Variants in SIK3 observed in about 807,000 individuals in gnomAD.
SIK3 encodes serine/threonine-protein kinase SIK3.
SIK3 carries 28 observed loss-of-function variants against 144.2 expected under a neutral mutation model. The ratio of observed to expected loss-of-function variants is 0.19; its 90% CI spans 0.14 to 0.27. The LOEUF (loss-of-function observed/expected upper bound fraction) is 0.27, where lower values mean the gene tolerates loss of function less well. Ranked by LOEUF, SIK3 falls within the 10% of genes least tolerant of loss-of-function variation. SIK3 has a pLI of 1.00. For synonymous variants in SIK3, 686 were observed against 676.3 expected (o/e 1.01, Z -0.22); for missense variants, 1,319 against 1,776.0 (o/e 0.74, Z 4.62).
chr11:116,890,338 C>A (rs1238594620), intron 6 of SIK3, among the ~76,000 whole-genome samples: 1 of 152,000 alleles, frequency 6.6e-6, no homozygotes, highest in Admixed American at 6.6e-5. Flanking sequence ...AGCTCAGAAC[C>A]GGAGGTGAAC....
chr11:117,020,236 C>CATATATATATATAT (rs754633188), intron 1 of SIK3, among the ~76,000 whole-genome samples: 25 of 122,262 alleles, frequency 2.0e-4, no homozygotes, highest in African/African-American at 4.8e-4. Context: ...TGTATATGTG[C>CATATATATATATAT]ATATATATAT....
chr11:117,029,075 A>C (rs948236579), intron 1 of SIK3, among the ~76,000 whole-genome samples: 1 of 152,044 alleles, frequency 6.6e-6, no homozygotes, highest in African/African-American at 2.4e-5. Flanking sequence ...CGCCCGGCTA[A>C]TTTTGGTATT....
At chr11:116,930,378 T>C (rs1947533735) in intron 3 of SIK3, among the ~76,000 whole-genome samples, 1 of 152,212 alleles carries the variant, frequency 6.6e-6, no homozygotes, top group South Asian at 2.1e-4. Flanking sequence ...AGCTGCCTGC[T>C]GACAAATAGC....
At chr11:117,016,460 C>A (rs1280681348) in intron 1 of SIK3, among the ~76,000 whole-genome samples, 2 of 129,152 alleles carry the variant, frequency 1.5e-5, no homozygotes, top group African/African-American at 2.8e-5. Context: ...CATGACCTAT[C>A]TATTTTTGGG....
chr11:116,951,713 T>C (rs1031706786), intron 3 of SIK3, among the ~76,000 whole-genome samples: 4 of 152,104 alleles, frequency 2.6e-5, no homozygotes, highest in South Asian at 2.1e-4. Context: ...GGCAGGAGGA[T>C]TGCTACAGCC....
chr11:116,954,515 A>G (rs977566636), intron 2 of SIK3, among the ~76,000 whole-genome samples: 2 of 151,738 alleles, frequency 1.3e-5, no homozygotes, highest in Non-Finnish European at 2.9e-5. Flanking sequence ...GCCTTTGGGG[A>G]AAATAATGGG....
chr11:117,069,471 C>T (rs1954166707), intron 1 of SIK3, among the ~76,000 whole-genome samples: 1 of 152,084 alleles, frequency 6.6e-6, no homozygotes, highest in South Asian at 2.1e-4. Context: ...AGAATAATTC[C>T]TTAACATCAG....
At chr11:117,001,708 G>A (rs770123781) in intron 1 of SIK3, among the ~76,000 whole-genome samples, 5 of 151,870 alleles carry the variant, frequency 3.3e-5, no homozygotes, top group Admixed American at 2.6e-4. Context: ...CTCCCACCTC[G>A]GCCTCCCAAA....
chr11:117,013,746 G>A (rs1404241450), intron 1 of SIK3, among the ~76,000 whole-genome samples: 1 of 151,114 alleles, frequency 6.6e-6, no homozygotes, highest in Non-Finnish European at 1.5e-5. Flanking sequence ...TTATCAATCT[G>A]AGGAACCAAA....
chr11:117,023,510 A>C (rs1354409805), intron 1 of SIK3, among the ~76,000 whole-genome samples: 1 of 148,936 alleles, frequency 6.7e-6, no homozygotes, highest in African/African-American at 2.5e-5. Context: ...GGCTCAAGTG[A>C]TCCTCTAGTC....
chr11:117,020,894 C>G (rs1372821658), intron 1 of SIK3, among the ~76,000 whole-genome samples: 1 of 152,198 alleles, frequency 6.6e-6, no homozygotes, highest in East Asian at 1.9e-4. Context: ...TATTGGGAAA[C>G]CAGTTTATAG....
Position 116,846,342 on chromosome 11 carries a change from G to A in SIK3, c.*13+41C>T. 6.3e-7 allele frequency: 1 copy of A among 1,594,296 alleles called. No homozygotes were observed. On this transcript the variant is annotated intron_variant, in intron 24 of 24. Coordinates refer to ENST00000445177, the MANE Select transcript of SIK3 (RefSeq NM_001366686.3). The surrounding 1 kb of genome is among the most constrained non-coding windows in gnomAD (Gnocchi z 4.1). ...CTGATGGGATTGGGAGCAGGCACTG[G>A]GCCACAGGGCTGGTTTGGCTCTGGC... is the stretch of plus-strand genomic sequence containing the variant.
intron 1 of SIK3, among the ~76,000 whole-genome samples, chr11:117,017,688 C>A (rs1485077482): frequency 6.6e-6 from 1 of 151,896 alleles, no homozygotes; most frequent in East Asian, 1.9e-4. Context: ...CTCCTTTGCA[C>A]CTAAAGGAGG....
rs58587995 is a variant in SIK3, at chr11:116,965,734, A to AATATATATATAT, written c.274-8682_274-8671dup. On this transcript the variant is annotated intron_variant, in intron 1 of 24. Transcript: ENST00000445177. ...CATGGTGAAAACCCGTCTCTGCTAA[A>AATATATATATAT]ATATATATATATATATATATATATA... Among the ~76,000 whole-genome samples the AATATATATATAT allele has an allele frequency of 1.1e-3, 136 of 118,288 alleles. 1 individual carries two copies. Among genetic ancestry groups the AATATATATATAT allele is most frequent in the African/African-American group, 2.6e-3 (70 of 27,092 alleles). The allele number at this position is 118,288 out of a possible 152,430, so 77.6% of individuals were successfully genotyped here. A position where few individuals can be genotyped will look rare whatever the true frequency, so the allele number is the denominator to read the frequency against.
intron 4 of SIK3, among the ~76,000 whole-genome samples, chr11:116,905,280 C>G (rs1945967041): frequency 6.6e-6 from 1 of 152,238 alleles, no homozygotes; most frequent in Non-Finnish European, 1.5e-5. Context: ...TTGCCTATGT[C>G]AGCACTTGAG....
intron 4 of SIK3, among the ~76,000 whole-genome samples, chr11:116,899,303 A>C (rs1023227164): frequency 6.6e-6 from 1 of 151,778 alleles, no homozygotes; most frequent in Non-Finnish European, 1.5e-5. Context: ...GTTATTTCTG[A>C]GGGCTCTGTT....
intron 1 of SIK3, among the ~76,000 whole-genome samples, chr11:117,097,795 TC>T (rs1203038841): frequency 6.6e-6 from 1 of 152,062 alleles, no homozygotes; most frequent in Non-Finnish European, 1.5e-5. Context: ...AGCTGCTGGT[TC>T]CAGAGTCTTC....
Position 117,098,236 on chromosome 11 carries a change from G to A in SIK3, c.180C>T (p.Pro60=), listed in dbSNP as rs1425878718. The A allele has an allele frequency of 4.0e-6, 6 of 1,490,118 alleles. No individual in the cohort carries two copies. The highest frequency in any genetic ancestry group is 4.5e-6 in the Non-Finnish European group (5 of 1,118,602). 92.3% of individuals were successfully genotyped at this position (1,490,118 alleles called of 1,614,324 possible). A position where few individuals can be genotyped will look rare whatever the true frequency, so the allele number is the denominator to read the frequency against. ...CGATCTCGTAGTAGCCGATACGGGC[G>A]GGCATGGGTCCGCGGGAGGCCGGGG... ...PPAPASRGPM[P]ARIGYYEIDR... The change falls in exon 1 of 25, where the codon CCC becomes CCT. Residue 60 remains proline (P), a synonymous_variant. Transcript: ENST00000445177.
chr11:116,942,953 A>G (rs991632454), intron 3 of SIK3, among the ~76,000 whole-genome samples: 24 of 152,194 alleles, frequency 1.6e-4, no homozygotes, highest in African/African-American at 5.8e-4. Context: ...GCAGATTCAG[A>G]GAGACTATTT....
Sources: allele counts gnomAD v4.1 joint callset (sites outside exome capture counted in the v4.1 genomes callset), GRCh38; gene constraint gnomAD v4.1.1; non-coding constraint Gnocchi (gnomAD v3.1); transcripts MANE v1.5; gene names NCBI Gene and HGNC (gene_info 2026-07-23, HGNC 2026-07-21).